Variants in BBX observed in about 807,000 individuals in gnomAD.
The protein encoded by BBX is BBX high mobility group box domain containing, also known as HMG box transcription factor BBX.
A neutral mutation model predicts 100.2 loss-of-function variants in BBX; 30 were observed. The ratio of observed to expected loss-of-function variants is 0.30; its 90% CI spans 0.22 to 0.41. BBX has a LOEUF of 0.41. Ranked by LOEUF, BBX falls within the 10% of genes least tolerant of loss-of-function variation. The pLI, the probability that BBX is intolerant of heterozygous loss-of-function variation, is 1.00. For missense variants in BBX, 1,023 were observed against 1,129.8 expected, an observed-to-expected ratio of 0.91 and a Z score of 1.35; for synonymous variants, 376 against 388.1, an observed-to-expected ratio of 0.97 and a Z score of 0.37.
intron 3 of BBX, chr3:107,659,788 G>A: frequency 7.9e-7 from 1 of 1,260,052 alleles, no homozygotes; most frequent in Non-Finnish European, 1.0e-6. Flanking sequence ...TGTAGATACA[G>A]AAGTGGTACC....
chr3:107,663,924 G>A (rs1484228250), intron 3 of BBX, among the ~76,000 whole-genome samples: 2 of 151,126 alleles, frequency 1.3e-5, no homozygotes, highest in South Asian at 4.2e-4. Context: ...TCCTGCCTCA[G>A]TCTCCCAAGT....
chr3:107,751,256 A>G (rs1434445782), intron 9 of BBX, among the ~76,000 whole-genome samples: 2 of 152,216 alleles, frequency 1.3e-5, no homozygotes, highest in African/African-American at 2.4e-5. Flanking sequence ...GTCCTATTAT[A>G]TACACTTAAA....
chr3:107,625,802 TTC>T (rs773003300), intron 2 of BBX, among the ~76,000 whole-genome samples: 83 of 152,194 alleles, frequency 5.5e-4, no homozygotes, highest in Non-Finnish European at 8.7e-4. Flanking sequence ...TGTCTTTTAT[TTC>T]TCTTTGTTTT....
At chr3:107,715,856 G>A (rs2062064385) in intron 4 of BBX, among the ~76,000 whole-genome samples, 1 of 152,222 alleles carries the variant, frequency 6.6e-6, no homozygotes, top group Non-Finnish European at 1.5e-5. Flanking sequence ...TAGGATAAAA[G>A]AGGATTCAAA....
chr3:107,739,408 T>G (rs1444818212), intron 7 of BBX, among the ~76,000 whole-genome samples: 1 of 152,162 alleles, frequency 6.6e-6, no homozygotes, highest in African/African-American at 2.4e-5. Context: ...CTTGGGTGGC[T>G]CCCCCTTTAT....
rs564061969 is a variant in BBX, at chr3:107,550,147, T to C, written c.-84+23749T>C. Among the ~76,000 whole-genome samples, 17 of 151,852 alleles carry C rather than the reference T, an allele frequency of 1.1e-4. No homozygotes were observed. In the South Asian group the frequency reaches 3.3e-3, roughly 30 times the overall value. On this transcript the variant is annotated intron_variant, in intron 2 of 17. Coordinates refer to ENST00000325805, the MANE Select transcript of BBX (RefSeq NM_001142568.3). ...AGGTAAGATACATGCTCACAAGGAG[T>C]GTATACAACAGGAAGAGAGAGGAAG...
chr3:107,800,364 G>A (rs990530368), intron 16 of BBX, among the ~76,000 whole-genome samples: 1 of 152,160 alleles, frequency 6.6e-6, no homozygotes, highest in Non-Finnish European at 1.5e-5. Flanking sequence ...ATAGAAAAGT[G>A]TCATACCACT....
chr3:107,567,001 A>G (rs1230740413), intron 2 of BBX, among the ~76,000 whole-genome samples: 1 of 152,106 alleles, frequency 6.6e-6, no homozygotes, highest in Non-Finnish European at 1.5e-5. Context: ...TTTGATTTTA[A>G]AATTTAACCA....
intron 15 of BBX, among the ~76,000 whole-genome samples, chr3:107,797,832 TTAGGATACCTAAAAC>T (rs2069909123): frequency 6.6e-6 from 1 of 152,170 alleles, no homozygotes; most frequent in Non-Finnish European, 1.5e-5. Flanking sequence ...GGGGTTACAA[TTAGGATACCTAAAAC>T]TAGCCTCTCC....
Position 107,602,773 on chromosome 3 carries a change from C to T in BBX, c.-83-43063C>T, listed in dbSNP as rs145136682. Among the ~76,000 whole-genome samples the T allele has an allele frequency of 5.8e-3, 886 of 152,242 alleles. 12 individuals are homozygous for T. The highest frequency in any genetic ancestry group is 0.021 in the African/African-American group (854 of 41,548). Reference sequence around the variant, plus strand: ...GTAGTCTTACAATGGATACTTGAACCGATGAGGAGGAGTTGCTTCTTGTGG... The same window carrying T: ...GTAGTCTTACAATGGATACTTGAACTGATGAGGAGGAGTTGCTTCTTGTGG... On this transcript the variant is annotated intron_variant, in intron 2 of 17. Transcript: ENST00000325805.
At chr3:107,587,129 G>GT (rs1203610336) in intron 2 of BBX, among the ~76,000 whole-genome samples, 1 of 151,958 alleles carries the variant, frequency 6.6e-6, no homozygotes, top group Non-Finnish European at 1.5e-5. Context: ...TCTTATGAAT[G>GT]TTTTTTAAAA....
intron 2 of BBX, among the ~76,000 whole-genome samples, chr3:107,583,828 T>C (rs2052459374): frequency 7.0e-6 from 1 of 142,156 alleles, no homozygotes; most frequent in Non-Finnish European, 1.5e-5. Context: ...TTTCTGGAAC[T>C]ATTTTTTATA....
At chr3:107,727,648 T>C (rs1353606288) in intron 5 of BBX, among the ~76,000 whole-genome samples, 8 of 152,194 alleles carry the variant, frequency 5.3e-5, no homozygotes, top group Non-Finnish European at 1.2e-4. Context: ...TAACATTGCA[T>C]AATTATCTAT....
intron 5 of BBX, among the ~76,000 whole-genome samples, chr3:107,727,493 G>T (rs894107845): frequency 2.0e-5 from 3 of 152,072 alleles, no homozygotes; most frequent in Non-Finnish European, 4.4e-5. Context: ...AGAAAAATGG[G>T]ACTGTATTCT....
intron 2 of BBX, among the ~76,000 whole-genome samples, chr3:107,574,274 A>G (rs2051603989): frequency 6.6e-6 from 1 of 152,222 alleles, no homozygotes; most frequent in Non-Finnish European, 1.5e-5. Flanking sequence ...TTAGGTAGGT[A>G]ATCCAATATC....
chr3:107,663,553 G>T (rs1041129335), intron 3 of BBX, among the ~76,000 whole-genome samples: 3 of 151,650 alleles, frequency 2.0e-5, no homozygotes, highest in African/African-American at 2.4e-5. Context: ...GTTTTTCTTG[G>T]TCGTTTTTCT....
In BBX at chr3:107,810,200, A is replaced by T. The variant is rs2071232216; in HGVS notation, c.*4743A>T. 2 of 147,398 alleles carry T rather than the reference A, an allele frequency of 1.4e-5. No homozygotes were observed. The highest frequency in any genetic ancestry group is 2.5e-5 in the African/African-American group (1 of 39,522). 9.1% of individuals were successfully genotyped at this position (147,398 alleles called of 1,614,324 possible). A position where few individuals can be genotyped will look rare whatever the true frequency, so the allele number is the denominator to read the frequency against. On this transcript the variant is annotated 3_prime_UTR_variant, in exon 18 of 18. Coordinates refer to ENST00000325805, the MANE Select transcript of BBX (RefSeq NM_001142568.3). ...CCTTCCTTCAAATATATAAATGTGCATCTTTTTTTTAAAAAAAAAAAAAAA... is the reference window on the plus strand; with the variant it reads ...CCTTCCTTCAAATATATAAATGTGCTTCTTTTTTTTAAAAAAAAAAAAAAA...
intron 2 of BBX, among the ~76,000 whole-genome samples, chr3:107,559,200 G>A (rs149120809): frequency 0.01 from 1,532 of 152,276 alleles, 24 homozygotes; most frequent in Middle Eastern, 0.017. Context: ...GGGAAATGAC[G>A]TAATCAGAGT....
At chr3:107,552,453 A>G (rs1248624238) in intron 2 of BBX, among the ~76,000 whole-genome samples, 1 of 152,046 alleles carries the variant, frequency 6.6e-6, no homozygotes, top group African/African-American at 2.4e-5. Flanking sequence ...ATTCAAAGGT[A>G]AACTCTTAAA....
Sources: allele counts gnomAD v4.1 joint callset (sites outside exome capture counted in the v4.1 genomes callset), GRCh38; gene constraint gnomAD v4.1.1; transcripts MANE v1.5; gene names NCBI Gene and HGNC (gene_info 2026-07-23, HGNC 2026-07-21).